Variants in IQCB1 observed in about 807,000 individuals in gnomAD.
The protein encoded by IQCB1 is IQ calmodulin-binding motif-containing protein 1.
IQCB1 carries 56 observed loss-of-function variants against 84.4 expected under a neutral mutation model. The ratio of observed to expected loss-of-function variants is 0.66; its 90% CI spans 0.54 to 0.83. The LOEUF is 0.83. IQCB1 is among the 40% of genes least tolerant of loss of function. The probability of loss-of-function intolerance (pLI) is 0.00; values close to 1 mark genes in which losing one functional copy is unlikely to be tolerated. For missense variants in IQCB1, 629 were observed against 682.1 expected (o/e 0.92, Z 0.87); for synonymous variants, 210 against 234.8 (o/e 0.89, Z 0.96).
intron 5 of IQCB1, 26 bp downstream of exon 5, chr3:121,826,025 C>T: frequency 6.3e-7 from 1 of 1,591,944 alleles, no homozygotes; most frequent in Non-Finnish European, 8.6e-7. Context: ...ACTGATTTAG[C>T]TACAAAAGAC....
intron 5 of IQCB1, among the ~76,000 whole-genome samples, chr3:121,814,107 A>T (rs1459325524): frequency 1.3e-5 from 2 of 152,250 alleles, no homozygotes; most frequent in Admixed American, 1.3e-4. Flanking sequence ...AGAACTCAGG[A>T]TTAAGAAACT....
At chr3:121,834,901 T>G in intron 1 of IQCB1, 65 bp downstream of exon 1, 1 of 316,152 alleles carries the variant, frequency 3.2e-6, no homozygotes, top group Non-Finnish European at 6.1e-6. Flanking sequence ...GAGCCTGGGG[T>G]CCTGGCCTCC....
intron 13 of IQCB1, among the ~76,000 whole-genome samples, chr3:121,778,053 A>G: frequency 6.6e-6 from 1 of 152,002 alleles, no homozygotes; most frequent in East Asian, 1.9e-4. Context: ...GACCACAGAC[A>G]GGCATCAACA....
At chr3:121,781,686 T>A in intron 13 of IQCB1, 57 bp downstream of exon 13, 2 of 1,422,138 alleles carry the variant, frequency 1.4e-6, no homozygotes, top group Non-Finnish European at 2.0e-6. Context: ...GTGTGTACAG[T>A]TATCAATATC....
chr3:121,794,134 G>A (rs1949093840), intron 10 of IQCB1, among the ~76,000 whole-genome samples: 1 of 151,294 alleles, frequency 6.6e-6, no homozygotes, highest in South Asian at 2.1e-4. Context: ...CCACAGAAAT[G>A]CTTTTAAAAA....
intron 3 of IQCB1, 105 bp downstream of exon 3, chr3:121,828,756 T>C: frequency 2.0e-6 from 2 of 987,112 alleles, no homozygotes; most frequent in East Asian, 2.5e-5. Context: ...TCTATTATAG[T>C]GTTAAGACCT....
chr3:121,787,225 G>C (rs1948772045), intron 12 of IQCB1, among the ~76,000 whole-genome samples: 1 of 151,554 alleles, frequency 6.6e-6, no homozygotes, highest in South Asian at 2.1e-4. Context: ...TAATCACAGA[G>C]ACTGTTCAAA....
chr3:121,807,178 A>G (rs1214661781), intron 7 of IQCB1, among the ~76,000 whole-genome samples, 166 bp downstream of exon 7: 1 of 151,578 alleles, frequency 6.6e-6, no homozygotes, highest in Non-Finnish European at 1.5e-5. Context: ...ATATACAAGT[A>G]TATAGTGCAT....
chr3:121,823,607 G>C (rs963765255), intron 5 of IQCB1, among the ~76,000 whole-genome samples: 19 of 152,130 alleles, frequency 1.2e-4, no homozygotes, highest in Admixed American at 9.8e-4. Context: ...TTATACACAT[G>C]CAACAGAAAT....
rs1475051765 is a variant in IQCB1 at position 121,790,197 on chromosome 3, C to A, written c.1005G>T (p.Met335Ile). The change falls in exon 11 of 15, where the codon ATG (methionine) becomes ATT (isoleucine). Residue 335 changes from methionine to isoleucine, a missense_variant. Transcript: ENST00000310864. Reference sequence around the variant, plus strand: ...CCTTCTGCCTATTTATCTCCAGCAACATCTTTGATCGTTTGGATCTGTGAT... The same window carrying A: ...CCTTCTGCCTATTTATCTCCAGCAAAATCTTTGATCGTTTGGATCTGTGAT... ...QRSFRSKRSK[M>I]LLEINRQKEE... 6.2e-7 allele frequency: 1 copy of A among 1,613,636 alleles called. No individual in the cohort carries two copies. Among genetic ancestry groups the A allele is most frequent in the African/African-American group, 1.3e-5 (1 of 74,880 alleles).
chr3:121,830,247 T>C (rs970575914), intron 2 of IQCB1, among the ~76,000 whole-genome samples: 11 of 151,302 alleles, frequency 7.3e-5, no homozygotes, highest in African/African-American at 2.7e-4. Context: ...AATAGTATAT[T>C]GAATAAAATC....
At chr3:121,819,202 C>T (rs555456148) in intron 5 of IQCB1, among the ~76,000 whole-genome samples, 5 of 152,218 alleles carry the variant, frequency 3.3e-5, no homozygotes, top group African/African-American at 1.2e-4. Flanking sequence ...AAGCCCTGAG[C>T]GTGTTTTCCT....
chr3:121,834,237 T>C (rs961756804), intron 2 of IQCB1, 154 bp downstream of exon 2: 3 of 152,200 alleles, frequency 2.0e-5, no homozygotes, highest in African/African-American at 7.2e-5. Flanking sequence ...TGCAGTTGGA[T>C]TGCGTAATTA....
intron 6 of IQCB1, among the ~76,000 whole-genome samples, chr3:121,808,141 G>C (rs918440675): frequency 1.3e-5 from 2 of 151,910 alleles, no homozygotes; most frequent in African/African-American, 4.8e-5. Context: ...AAAGGTATTA[G>C]TTATACTAAC....
chr3:121,820,977 T>C (rs1178542213), intron 5 of IQCB1, among the ~76,000 whole-genome samples: 1 of 85,954 alleles, frequency 1.2e-5, no homozygotes, highest in African/African-American at 5.1e-5. Flanking sequence ...TTCTGTTTTT[T>C]CCTTTTTTTT....
intron 12 of IQCB1, among the ~76,000 whole-genome samples, chr3:121,787,491 G>A (rs574602617): frequency 1.2e-4 from 19 of 152,254 alleles, no homozygotes; most frequent in African/African-American, 3.1e-4. Flanking sequence ...GGTGGCTCAC[G>A]CCTGTAATCC....
intron 7 of IQCB1, among the ~76,000 whole-genome samples, chr3:121,805,768 T>C (rs1160125306): frequency 6.6e-6 from 1 of 152,172 alleles, no homozygotes; most frequent in Non-Finnish European, 1.5e-5. Context: ...TCCCTGGCAT[T>C]GGGTATTCCT....
chr3:121,833,660 A>G lies in IQCB1; in HGVS notation c.-13+731T>C, dbSNP rs554370211. Among the ~76,000 whole-genome samples the G allele has an allele frequency of 3.9e-5, 6 of 152,358 alleles. No homozygotes were observed. In the South Asian group the frequency reaches 6.2e-4, roughly 16 times the overall value. On this transcript the variant is annotated intron_variant, in intron 2 of 14. Coordinates refer to ENST00000310864, the MANE Select transcript of IQCB1 (RefSeq NM_001023570.4). ...CACACACACAGATACAAAAAAATAT[A>G]CTTAAGAATATCAGATATATGTTAA...
intron 10 of IQCB1, among the ~76,000 whole-genome samples, chr3:121,793,632 T>C (rs1370943112): frequency 6.6e-6 from 1 of 152,346 alleles, no homozygotes; most frequent in Non-Finnish European, 1.5e-5. Flanking sequence ...CATTTCAGTA[T>C]ATTCTGGAAC....
Sources: allele counts gnomAD v4.1 joint callset (sites outside exome capture counted in the v4.1 genomes callset), GRCh38; gene constraint gnomAD v4.1.1; transcripts MANE v1.5; gene names NCBI Gene and HGNC (gene_info 2026-07-23, HGNC 2026-07-21).